Variants in PLD1 observed in about 807,000 individuals in gnomAD.
The protein encoded by PLD1 is phospholipase D1, also known as choline phosphatase 1.
A neutral mutation model predicts 137.1 loss-of-function variants in PLD1; 112 were observed. The observed-to-expected ratio is 0.82, with a 90% CI of 0.70 to 0.96. The LOEUF (loss-of-function observed/expected upper bound fraction) is 0.96, where lower values mean the gene tolerates loss of function less well. Among genes scored for constraint, PLD1 ranks in the 40% least tolerant of loss-of-function variants. The probability of loss-of-function intolerance (pLI) is 0.00; values close to 1 mark genes in which losing one functional copy is unlikely to be tolerated. For missense variants in PLD1, 1,321 were observed against 1,342.0 expected (o/e 0.98, Z 0.24); for synonymous variants, 431 against 454.7 (o/e 0.95, Z 0.66).
intron 24 of PLD1, among the ~76,000 whole-genome samples, chr3:171,619,799 G>A (rs1489497802): frequency 6.6e-6 from 1 of 151,982 alleles, no homozygotes; most frequent in Admixed American, 6.6e-5. Flanking sequence ...AAAAATAAGG[G>A]GATAGCTGGG....
At chr3:171,727,300 G>A (rs1296844126) in intron 6 of PLD1, among the ~76,000 whole-genome samples, 1 of 152,140 alleles carries the variant, frequency 6.6e-6, no homozygotes, top group Non-Finnish European at 1.5e-5. Flanking sequence ...TCATTATGAA[G>A]TCAGACCAAA....
At chr3:171,661,523 G>T (rs531316247) in intron 20 of PLD1, among the ~76,000 whole-genome samples, 14 of 152,086 alleles carry the variant, frequency 9.2e-5, no homozygotes, top group Non-Finnish European at 1.5e-4. Context: ...ATTCTGGGAT[G>T]AAAAAAAGCT....
chr3:171,645,712 G>A (rs1414629095), intron 21 of PLD1, among the ~76,000 whole-genome samples: 6 of 151,676 alleles, frequency 4.0e-5, no homozygotes, highest in East Asian at 1.9e-4. Flanking sequence ...GTGAAACCCC[G>A]TCTCTACTAA....
At chr3:171,649,020 C>G (rs891398693) in intron 21 of PLD1, among the ~76,000 whole-genome samples, 1 of 151,962 alleles carries the variant, frequency 6.6e-6, no homozygotes, top group Admixed American at 6.6e-5. Flanking sequence ...AGTAATTTTT[C>G]ACATTTGTTG....
intron 16 of PLD1, among the ~76,000 whole-genome samples, chr3:171,679,074 T>C (rs368695295): frequency 5.5e-4 from 84 of 152,310 alleles, no homozygotes; most frequent in African/African-American, 2.0e-3. Flanking sequence ...TGTGACGCAA[T>C]TGTATCAGGA....
At chr3:171,669,621 G>A (rs778453427) in intron 19 of PLD1, among the ~76,000 whole-genome samples, 63 of 152,298 alleles carry the variant, frequency 4.1e-4, no homozygotes, top group Non-Finnish European at 5.4e-4. Flanking sequence ...GGCTGGTCTC[G>A]AACTCCTGAC....
intron 1 of PLD1, among the ~76,000 whole-genome samples, chr3:171,763,045 G>T (rs983054793): frequency 1.3e-5 from 2 of 152,056 alleles, no homozygotes; most frequent in Non-Finnish European, 2.9e-5. Flanking sequence ...TATTCATATT[G>T]TGAGATGGTG....
At chr3:171,794,828 C>A (rs1173692640) in intron 1 of PLD1, among the ~76,000 whole-genome samples, 1 of 152,008 alleles carries the variant, frequency 6.6e-6, no homozygotes, top group Non-Finnish European at 1.5e-5. Context: ...CAATTGTAAC[C>A]ATGACTAGGC....
chr3:171,658,995 G>A (rs539105464), intron 21 of PLD1, among the ~76,000 whole-genome samples: 1 of 152,260 alleles, frequency 6.6e-6, no homozygotes, highest in South Asian at 2.1e-4. Flanking sequence ...TGGCCAGGAA[G>A]AAATTTTTGT....
intron 1 of PLD1, among the ~76,000 whole-genome samples, chr3:171,746,434 C>T (rs573283554): frequency 1.5e-4 from 23 of 152,184 alleles, no homozygotes; most frequent in South Asian, 1.0e-3. Flanking sequence ...GGTTTGTAAA[C>T]GCACCAATCA....
chr3:171,739,893 G>A (rs914112266), intron 1 of PLD1, among the ~76,000 whole-genome samples: 1 of 152,146 alleles, frequency 6.6e-6, no homozygotes, highest in Non-Finnish European at 1.5e-5. Flanking sequence ...TTGTAGATAT[G>A]TAAGTGCTTT....
At chr3:171,708,450 C>G (rs1716872928) in intron 11 of PLD1, among the ~76,000 whole-genome samples, 1 of 152,188 alleles carries the variant, frequency 6.6e-6, no homozygotes, top group Non-Finnish European at 1.5e-5. Context: ...CCAAAGACAC[C>G]ATTACCTCTA....
chr3:171,613,023 A>G (rs1372188983), intron 24 of PLD1, among the ~76,000 whole-genome samples: 2 of 152,136 alleles, frequency 1.3e-5, no homozygotes, highest in Non-Finnish European at 2.9e-5. Context: ...TTTAAAAATT[A>G]GCTGAGTGTG....
intron 25 of PLD1, chr3:171,611,642 CAG>C (rs1453665738): frequency 5.8e-6 from 3 of 518,748 alleles, no homozygotes; most frequent in African/African-American, 3.9e-5. Context: ...GACCTGAAAA[CAG>C]AAGTTTCCAC....
At chr3:171,751,930 G>A (rs1260215841) in intron 1 of PLD1, among the ~76,000 whole-genome samples, 1 of 152,028 alleles carries the variant, frequency 6.6e-6, no homozygotes, top group Admixed American at 6.5e-5. Context: ...ATGAACCTGG[G>A]AGGTGGAGCT....
rs577466315 is a variant in PLD1, at chr3:171,699,653, G to C, written c.1227+92C>G. 5.8e-4 allele frequency: 505 copies of C among 877,758 alleles called. 3 individuals are homozygous for C. The African/African-American group carries it at 7.7e-3, about 13-fold the overall frequency. 54.4% of individuals were successfully genotyped at this position (877,758 alleles called of 1,614,324 possible). A position where few individuals can be genotyped will look rare whatever the true frequency, so the allele number is the denominator to read the frequency against. ...TTTTTGTCAAACTCTAAAGTGAAAA[G>C]TTATACGTGTGAAAGGCTTTGAAAA... On this transcript the variant is annotated intron_variant, in intron 12 of 26. Coordinates refer to ENST00000351298, the MANE Select transcript of PLD1 (RefSeq NM_002662.5).
At chr3:171,701,121 CAGTTAAAGAAAATAA>C (rs1245302415) in intron 11 of PLD1, among the ~76,000 whole-genome samples, 4 of 152,096 alleles carry the variant, frequency 2.6e-5, no homozygotes, top group Admixed American at 2.6e-4. Context: ...CTATTTCATT[CAGTTAAAGAAAATAA>C]AAACCCAGAG....
chr3:171,757,725 A>G (rs1188913963), intron 1 of PLD1, among the ~76,000 whole-genome samples: 1 of 152,270 alleles, frequency 6.6e-6, no homozygotes, highest in Non-Finnish European at 1.5e-5. Context: ...CAGCTGATAA[A>G]GAAACGAAAC....
chr3:171,647,655 G>C (rs1736369067), intron 21 of PLD1, among the ~76,000 whole-genome samples: 1 of 152,020 alleles, frequency 6.6e-6, no homozygotes, highest in Non-Finnish European at 1.5e-5. Context: ...CTCCATGTTG[G>C]TCAGGCTGGT....
Sources: gnomAD v4.1 joint callset for allele counts (sites outside exome capture counted in the v4.1 genomes callset) on GRCh38, gnomAD v4.1.1 for gene constraint, MANE v1.5 for transcripts, NCBI Gene and HGNC (gene_info 2026-07-23, HGNC 2026-07-21) for gene names.